Variants in DHRS2 observed in about 807,000 individuals in gnomAD.
DHRS2 encodes dehydrogenase/reductase SDR family member 2, mitochondrial.
A neutral mutation model predicts 26.3 loss-of-function variants in DHRS2; 29 were observed. That is an observed-to-expected ratio of 1.10 (90% confidence interval 0.82 to 1.50). The LOEUF is 1.50. Ranked by LOEUF, DHRS2 falls within the 40% of genes most tolerant of loss-of-function variation. The pLI is 0.00. For missense variants in DHRS2, 439 were observed against 367.1 expected (o/e 1.20, Z -1.60); for synonymous variants, 164 against 151.3 (o/e 1.08, Z -0.62).
In DHRS2 at chr14:23,641,829, G is replaced by T. The variant is rs1747478883; in HGVS notation, c.421-1323G>T. 36 of 1,256,802 alleles carry T rather than the reference G, an allele frequency of 2.9e-5. 1 individual carries two copies. The South Asian group carries it at 4.3e-4, about 15-fold the overall frequency. 77.9% of individuals were successfully genotyped at this position (1,256,802 alleles called of 1,614,324 possible). The stretch of plus-strand genomic sequence containing the variant: ...GGATTGAGTGGGAGTGAGATTGGGG[G>T]GTGGAAAAAACAGTGAACAGTCCTG... On this transcript the variant is annotated intron_variant, in intron 4 of 8. Coordinates refer to ENST00000250383, the MANE Select transcript of DHRS2 (RefSeq NM_005794.4).
upstream of DHRS2, among the ~76,000 whole-genome samples, chr14:23,631,956 G>A (rs1890131449): frequency 6.6e-6 from 1 of 152,202 alleles, no homozygotes. Flanking sequence ...CAACAGTCCA[G>A]GCAGAGTTGC....
chr14:23,645,390 T>C lies in DHRS2; in HGVS notation c.*137T>C. On this transcript the variant is annotated 3_prime_UTR_variant, in exon 9 of 9. Coordinates refer to ENST00000250383, the MANE Select transcript of DHRS2 (RefSeq NM_005794.4). ...TTTGGGGGCTTACTCATGCTAGGCT[T>C]GAGGAAGAAGAAAAACGCTTCGGCA... The C allele has an allele frequency of 1.3e-6, 2 of 1,548,408 alleles. No individual in the cohort carries two copies. The highest frequency in any genetic ancestry group is 2.3e-5 in the South Asian group (2 of 85,276).
chr14:23,640,356 T>C (rs775724247), intron 4 of DHRS2: 12 of 985,498 alleles, frequency 1.2e-5, no homozygotes, highest in Non-Finnish European at 1.4e-5. Flanking sequence ...GGCTCCTCAC[T>C]GAGTCCCACA....
Position 23,638,831 on chromosome 14 carries a change from G to C in DHRS2, c.-34G>C. On this transcript the variant is annotated 5_prime_UTR_variant, in exon 2 of 9. Transcript: ENST00000250383. ...GAAATTGATTCTTTCCCCCAGGCCT[G>C]ATTCAGCAGGAAGCATCTCAGACAC... The C allele has an allele frequency of 1.2e-6, 2 of 1,605,444 alleles. No individual in the cohort carries two copies. Among genetic ancestry groups the C allele is most frequent in the Non-Finnish European group, 1.7e-6 (2 of 1,174,344 alleles).
rs533508844 is a variant in DHRS2, at chr14:23,639,009, G to A, written c.140+5G>A. 3 of 1,612,494 alleles carry A rather than the reference G, an allele frequency of 1.9e-6. No individual in the cohort carries two copies. Among genetic ancestry groups the A allele is most frequent in the African/African-American group, 2.7e-5 (2 of 75,016 alleles). On this transcript the variant is annotated splice_donor_5th_base_variant and intron_variant, in intron 2 of 8. Transcript: ENST00000250383. ...GGTCACGGGGTCCACCAGTGGGTGA[G>A]TGCTGGATTGCCCATGGGTCCTGGC...
chr14:23,643,235 G>A lies in DHRS2; in HGVS notation c.488+16G>A. On this transcript the variant is annotated intron_variant, in intron 5 of 8. Transcript: ENST00000250383. ...TGGAGAACAGGTATGGCAGGGCGGGGGTGGGGACCAGTCGGAGTTGGGGAC... is the reference window on the plus strand; with the variant it reads ...TGGAGAACAGGTATGGCAGGGCGGGAGTGGGGACCAGTCGGAGTTGGGGAC... 1.2e-6 allele frequency: 2 copies of A among 1,613,532 alleles called. No individual in the cohort carries two copies. The highest frequency in any genetic ancestry group is 1.7e-5 in the Admixed American group (1 of 60,024).
intron 8 of DHRS2, 52 bp from the exon 9 acceptor site, chr14:23,645,090 G>A: frequency 1.2e-6 from 2 of 1,610,278 alleles, no homozygotes; most frequent in South Asian, 2.2e-5. Flanking sequence ...GAGCCCCAGA[G>A]CAGCAGAATC....
chr14:23,641,313 T>A (rs1057127574), intron 4 of DHRS2: 2 of 182,490 alleles, frequency 1.1e-5, no homozygotes, highest in East Asian at 3.0e-4. Context: ...TTCCAGCAGG[T>A]TGGGAAACCT....
rs778936300 is a variant in DHRS2, at chr14:23,644,489, C to T, written c.621C>T (p.Asp207=). The change falls in exon 7 of 9, where the codon GAC becomes GAT. Residue 207 remains aspartate (D), a synonymous_variant. Coordinates refer to ENST00000250383, the MANE Select transcript of DHRS2 (RefSeq NM_005794.4). ...TGGCATTGGAGCTGGCCCCCAAGGA[C>T]ATCCGGGTAAACTGCGTGGTTCCAG... is the stretch of plus-strand genomic sequence containing the variant. The part of the protein sequence containing the change: ...RTLALELAPK[D]IRVNCVVPGI... The T allele has an allele frequency of 6.2e-7, 1 of 1,614,118 alleles. No homozygotes were observed. The highest frequency in any genetic ancestry group is 8.5e-7 in the Non-Finnish European group (1 of 1,180,060).
upstream of DHRS2, among the ~76,000 whole-genome samples, chr14:23,634,059 C>CTTTTTT (rs58045171): frequency 1.2e-4 from 10 of 82,450 alleles, no homozygotes; most frequent in South Asian, 1.1e-3. Flanking sequence ...TTTGCCCCTT[C>CTTTTTT]TTTTTTTTTT....
At chr14:23,637,057 C>T (rs914815704) in intron 1 of DHRS2, among the ~76,000 whole-genome samples, 22 of 152,196 alleles carry the variant, frequency 1.4e-4, no homozygotes, top group African/African-American at 5.3e-4. Context: ...GTCCCCACAA[C>T]AAGTTGGTTG....
rs767981116 is a variant in DHRS2, at chr14:23,639,022, C to T, written c.140+18C>T. On this transcript the variant is annotated intron_variant, in intron 2 of 8. Coordinates refer to ENST00000250383, the MANE Select transcript of DHRS2 (RefSeq NM_005794.4). ...ACCAGTGGGTGAGTGCTGGATTGCCCATGGGTCCTGGCCCCTCACAGGGTC... is the reference window on the plus strand; with the variant it reads ...ACCAGTGGGTGAGTGCTGGATTGCCTATGGGTCCTGGCCCCTCACAGGGTC... 15 of 1,611,350 alleles carry T rather than the reference C, an allele frequency of 9.3e-6. No homozygotes were observed. Among genetic ancestry groups the T allele is most frequent in the Admixed American group, 3.3e-5 (2 of 59,958 alleles).
chr14:23,643,267 T>G (rs746097269), intron 5 of DHRS2, 48 bp downstream of exon 5: 2 of 1,574,532 alleles, frequency 1.3e-6, no homozygotes, highest in Non-Finnish European at 1.7e-6. Flanking sequence ...GGACCTGAGG[T>G]GGGCACAGAA....
intron 5 of DHRS2, 117 bp from the exon 6 acceptor site, chr14:23,643,994 C>A: frequency 9.8e-7 from 1 of 1,021,434 alleles, no homozygotes; most frequent in South Asian, 1.3e-5. Context: ...GAGATGGGGA[C>A]AGTAATAGGA....
chr14:23,638,972 C>T lies in DHRS2; in HGVS notation c.108C>T (p.Asn36=), dbSNP rs1890491498. The T allele has an allele frequency of 6.2e-7, 1 of 1,613,832 alleles. No individual in the cohort carries two copies. Among genetic ancestry groups the T allele is most frequent in the East Asian group, 2.2e-5 (1 of 44,882 alleles). ...TGIDRKGVLA[N]RVAVVTGSTS... ...TAGACAGGAAGGGCGTCCTGGCTAA[C>T]CGGGTAGCCGTGGTCACGGGGTCCA... The change falls in exon 2 of 9, where the codon AAC becomes AAT. Residue 36 remains asparagine, a synonymous_variant. Transcript: ENST00000250383.
At chr14:23,638,263 G>A (rs2138373747) in intron 1 of DHRS2, 1 of 153,444 alleles carries the variant, frequency 6.5e-6, no homozygotes. Flanking sequence ...CGGACGGGAG[G>A]AATGAACAAC....
chr14:23,639,358 T>G lies in DHRS2; in HGVS notation c.318+2T>G, dbSNP rs1484592343. 3.2e-6 allele frequency: 5 copies of G among 1,562,760 alleles called. No individual in the cohort carries two copies. Among genetic ancestry groups the G allele is most frequent in the Middle Eastern group, 1.7e-4 (1 of 5,786 alleles). On this transcript the variant is annotated splice_donor_variant, in intron 3 of 8. Coordinates refer to ENST00000250383, the MANE Select transcript of DHRS2 (RefSeq NM_005794.4). LOFTEE classifies it high-confidence loss of function. ...GACCGGGAGCAGCTGGTGGCCAAGGTGAGGGGGCAGGCGGTGGAAGGACAC... is the reference window on the plus strand; with the variant it reads ...GACCGGGAGCAGCTGGTGGCCAAGGGGAGGGGGCAGGCGGTGGAAGGACAC...
chr14:23,644,365 C>T, intron 6 of DHRS2, 44 bp from the exon 7 acceptor site: 1 of 1,610,500 alleles, frequency 6.2e-7, no homozygotes, highest in African/African-American at 1.3e-5. Flanking sequence ...GATGCTTTCC[C>T]CCACTCTCCC....
At position 23,645,140 on chromosome 14, in the gene DHRS2, A is replaced by G. The variant is rs572608413; in HGVS notation, c.732-2A>G. On this transcript the variant is annotated splice_acceptor_variant, in intron 8 of 8. Transcript: ENST00000250383. LOFTEE classifies it high-confidence loss of function. Reference sequence around the variant, plus strand: ...TTGACACTGTGTCCTTCTTCCATCCAGGATTGGGGAGTCAGAGGACTGTGC... The same window carrying G: ...TTGACACTGTGTCCTTCTTCCATCCGGGATTGGGGAGTCAGAGGACTGTGC... 2 of 1,614,024 alleles carry G rather than the reference A, an allele frequency of 1.2e-6. No individual in the cohort carries two copies. Among genetic ancestry groups the G allele is most frequent in the East Asian group, 2.2e-5 (1 of 44,884 alleles).
Sources: allele counts gnomAD v4.1 joint callset (sites outside exome capture counted in the v4.1 genomes callset), GRCh38; gene constraint gnomAD v4.1.1; transcripts MANE v1.5; gene names NCBI Gene and HGNC (gene_info 2026-07-23, HGNC 2026-07-21).